Variants in PHACTR1 observed in about 807,000 individuals in gnomAD.
PHACTR1 encodes RPEL repeat containing 1.
Under a neutral mutation model 69.2 loss-of-function variants are expected in PHACTR1, and 16 were observed. The observed-to-expected ratio is 0.23, with a 90% confidence interval of 0.16 to 0.35. The LOEUF is 0.35. PHACTR1 is among the 10% of genes least tolerant of loss of function. PHACTR1 has a pLI of 1.00. For synonymous variants in PHACTR1, 312 were observed against 284.5 expected (o/e 1.10, Z -0.97); for missense variants, 510 against 734.7 (o/e 0.69, Z 3.54).
chr6:12,924,921 T>C (rs1444674345), intron 4 of PHACTR1, among the ~76,000 whole-genome samples: 1 of 152,148 alleles, frequency 6.6e-6, no homozygotes, highest in African/African-American at 2.4e-5. Flanking sequence ...AAAATAGACA[T>C]ATTTTCAACT....
intron 10 of PHACTR1, among the ~76,000 whole-genome samples, chr6:13,259,011 G>A (rs1775564158): frequency 6.6e-6 from 1 of 152,204 alleles, no homozygotes; most frequent in South Asian, 2.1e-4. Context: ...AGCTAAAGGT[G>A]ACCAAATCTC....
chr6:13,282,162 G>T (rs184746935), intron 12 of PHACTR1, among the ~76,000 whole-genome samples: 2 of 152,152 alleles, frequency 1.3e-5, no homozygotes, highest in African/African-American at 4.8e-5. Flanking sequence ...TTTGTTTTAC[G>T]GGCCTGAGTT....
At chr6:13,166,751 G>A (rs1216792384) in intron 6 of PHACTR1, among the ~76,000 whole-genome samples, 1 of 152,114 alleles carries the variant, frequency 6.6e-6, no homozygotes, top group Non-Finnish European at 1.5e-5. Flanking sequence ...GTCATCCCGA[G>A]GTATACGCAA....
intron 4 of PHACTR1, among the ~76,000 whole-genome samples, chr6:12,945,085 T>C (rs1249355194): frequency 6.6e-6 from 1 of 152,006 alleles, no homozygotes; most frequent in Admixed American, 6.6e-5. Flanking sequence ...TTTCTTTTAC[T>C]CCCTCAGACA....
chr6:12,770,668 C>T (rs185976719), intron 4 of PHACTR1, among the ~76,000 whole-genome samples: 8 of 152,112 alleles, frequency 5.3e-5, no homozygotes, highest in Admixed American at 1.3e-4. Flanking sequence ...TGCAGTGCAC[C>T]GAACTGGCCG....
intron 8 of PHACTR1, among the ~76,000 whole-genome samples, chr6:13,207,114 A>G (rs774173386): frequency 6.6e-6 from 1 of 152,232 alleles, no homozygotes; most frequent in Non-Finnish European, 1.5e-5. Context: ...CTCTATAAGC[A>G]TTAATGTTTT....
chr6:13,090,828 G>T (rs1205117199), intron 5 of PHACTR1, among the ~76,000 whole-genome samples: 1 of 152,018 alleles, frequency 6.6e-6, no homozygotes, highest in African/African-American at 2.4e-5. Context: ...TTTGTTGTTT[G>T]GAAGACAACA....
At chr6:13,109,833 C>CGTGTGTGTGTGTGT (rs58370068) in intron 5 of PHACTR1, among the ~76,000 whole-genome samples, 52 of 146,186 alleles carry the variant, frequency 3.6e-4, no homozygotes, top group East Asian at 1.5e-3. Flanking sequence ...ATTTTTTCAG[C>CGTGTGTGTGTGTGT]GTGTGTGTGT....
At chr6:12,730,950 A>C (rs1763423861) in intron 3 of PHACTR1, among the ~76,000 whole-genome samples, 1 of 152,074 alleles carries the variant, frequency 6.6e-6, no homozygotes, top group African/African-American at 2.4e-5. Flanking sequence ...GCTGTGGTAC[A>C]TATACACCAT....
In PHACTR1 at chr6:13,227,930, T is replaced by G. The variant is rs1770073970; in HGVS notation, c.1101T>G (p.Thr367=). ...TTCCAGAAATAAGACAAGTGCCAACTGTTGTGATTGAATGTGATGACAATA... is the reference window on the plus strand; with the variant it reads ...TTCCAGAAATAAGACAAGTGCCAACGGTTGTGATTGAATGTGATGACAATA... ...MGLPEIRQVP[T]VVIECDDNKE... is the part of the protein sequence containing the mutation. Residue 367 remains threonine (T), a synonymous_variant, in exon 9 of 15, where the codon ACT becomes ACG. Coordinates refer to ENST00000332995, the MANE Select transcript of PHACTR1 (RefSeq NM_030948.6). 1 of 1,613,936 alleles carries G rather than the reference T, an allele frequency of 6.2e-7. No homozygotes were observed. The highest frequency in any genetic ancestry group is 8.5e-7 in the Non-Finnish European group (1 of 1,179,882).
intron 4 of PHACTR1, among the ~76,000 whole-genome samples, chr6:12,840,940 C>G (rs1028073864): frequency 5.9e-5 from 9 of 152,196 alleles, no homozygotes; most frequent in Non-Finnish European, 1.0e-4. Context: ...TTGTGGATGG[C>G]ACGGTCACTC....
chr6:13,020,546 G>A (rs1800817636), intron 4 of PHACTR1, among the ~76,000 whole-genome samples: 1 of 152,178 alleles, frequency 6.6e-6, no homozygotes, highest in African/African-American at 2.4e-5. Flanking sequence ...AGGACAAGAT[G>A]GTACTTGGGC....
intron 14 of PHACTR1, 58 bp from the exon 15 acceptor site, chr6:13,287,005 G>T (rs1380933326): frequency 2.3e-5 from 37 of 1,584,014 alleles, no homozygotes; most frequent in Non-Finnish European, 2.7e-5. Context: ...AGATTGGACT[G>T]TTGAATCCTG....
chr6:13,203,658 G>A (rs1463094296), intron 7 of PHACTR1, among the ~76,000 whole-genome samples: 1 of 152,116 alleles, frequency 6.6e-6, no homozygotes, highest in Non-Finnish European at 1.5e-5. Context: ...CTTGAAGGGC[G>A]ACTAGTAATT....
chr6:13,166,177 G>A (rs190837244), intron 6 of PHACTR1, among the ~76,000 whole-genome samples: 40 of 152,108 alleles, frequency 2.6e-4, no homozygotes, highest in African/African-American at 9.2e-4. Context: ...CTTGGCTGAG[G>A]TGTCACCTTC....
At chr6:12,851,857 C>T (rs2127759635) in intron 4 of PHACTR1, among the ~76,000 whole-genome samples, 1 of 152,096 alleles carries the variant, frequency 6.6e-6, no homozygotes, top group South Asian at 2.1e-4. Flanking sequence ...TTATTTAAGA[C>T]AGAGTCTTAC....
intron 4 of PHACTR1, among the ~76,000 whole-genome samples, chr6:12,932,417 A>T (rs2127530089): frequency 6.6e-6 from 1 of 152,340 alleles, no homozygotes; most frequent in Admixed American, 6.5e-5. Context: ...GATAAAAATC[A>T]TTAAGTGTTC....
At chr6:12,966,701 G>A (rs1793545553) in intron 4 of PHACTR1, among the ~76,000 whole-genome samples, 2 of 152,080 alleles carry the variant, frequency 1.3e-5, no homozygotes, top group African/African-American at 4.8e-5. Context: ...TTGCAAAAGG[G>A]TGGTTAAAAT....
chr6:12,920,315 A>C (rs1291119259), intron 4 of PHACTR1, among the ~76,000 whole-genome samples: 1 of 152,240 alleles, frequency 6.6e-6, no homozygotes, highest in Non-Finnish European at 1.5e-5. Context: ...ATTTCCAATA[A>C]ATTGTAGAAG....
Sources: gnomAD v4.1 joint callset for allele counts (sites outside exome capture counted in the v4.1 genomes callset) on GRCh38, gnomAD v4.1.1 for gene constraint, MANE v1.5 for transcripts, NCBI Gene and HGNC (gene_info 2026-07-23, HGNC 2026-07-21) for gene names.